BTN2A1: variants seen among roughly 807,000 people sequenced by gnomAD.
BTN2A1 encodes butyrophilin, subfamily 2, member A1.
In BTN2A1, 41 loss-of-function variants were observed where a neutral mutation model predicts 34.5. The ratio of observed to expected loss-of-function variants is 1.19; its 90% CI spans 0.93 to 1.54. The LOEUF is 1.54. BTN2A1 is among the 40% of genes most tolerant of loss of function. BTN2A1 has a pLI of 0.00. For synonymous variants in BTN2A1, 267 were observed against 258.6 expected (o/e 1.03, Z -0.31); for missense variants, 642 against 662.0 (o/e 0.97, Z 0.33).
downstream of BTN2A1, among the ~76,000 whole-genome samples, chr6:26,473,628 T>C (rs553955044): frequency 5.3e-5 from 8 of 152,356 alleles, no homozygotes; most frequent in African/African-American, 1.7e-4. Context: ...CAAGGGGATG[T>C]CTGCAAACTG....
In BTN2A1 at chr6:26,468,743, G is replaced by A. The variant is rs779387597; in HGVS notation, c.*194G>A. 6 of 1,611,210 alleles carry A rather than the reference G, an allele frequency of 3.7e-6. No individual in the cohort carries two copies. The East Asian group carries it at 1.1e-4, about 30-fold the overall frequency. ...TCCTCACTAGGCTGTGTTTTTAGTAGTTCCTTTGCTTGTAACTATGGGATG... is the reference window on the plus strand; with the variant it reads ...TCCTCACTAGGCTGTGTTTTTAGTAATTCCTTTGCTTGTAACTATGGGATG... On this transcript the variant is annotated 3_prime_UTR_variant, in exon 8 of 8. Coordinates refer to ENST00000312541, the MANE Select transcript of BTN2A1 (RefSeq NM_007049.5).
At chr6:26,472,652 C>T (rs1391975129), downstream of BTN2A1, among the ~76,000 whole-genome samples, 2 of 152,118 alleles carry the variant, frequency 1.3e-5, no homozygotes, top group South Asian at 2.1e-4. Flanking sequence ...ACCCAAGCCT[C>T]GCTTGGCTAA....
intron 3 of BTN2A1, among the ~76,000 whole-genome samples, chr6:26,461,284 A>G (rs551378924): frequency 2.0e-5 from 3 of 152,184 alleles, no homozygotes; most frequent in African/African-American, 7.2e-5. Context: ...ATTGCTTAGG[A>G]CTTTTTGTTT....
downstream of BTN2A1, among the ~76,000 whole-genome samples, chr6:26,473,356 G>A (rs1421928993): frequency 6.6e-6 from 1 of 152,126 alleles, no homozygotes; most frequent in Non-Finnish European, 1.5e-5. Flanking sequence ...CACAAATAAG[G>A]AGCAAGAGGT....
At chr6:26,464,762 A>G (rs1763262411) in intron 4 of BTN2A1, among the ~76,000 whole-genome samples, 1 of 152,216 alleles carries the variant, frequency 6.6e-6, no homozygotes, top group Non-Finnish European at 1.5e-5. Context: ...TTTTAGGGCG[A>G]GTGACGTGGA....
rs565317540 is a variant in BTN2A1 at position 26,468,260 on chromosome 6, G to A, written c.1295G>A (p.Arg432Gln). The stretch of plus-strand genomic sequence containing the variant: ...TTGGAGATGCATAAAGGGCAATACC[G>A]GGCCGTGTCCTCCCCTGATAGGATT... ...WTLEMHKGQY[R>Q]AVSSPDRILP... The change falls in exon 8 of 8, where the codon CGG (arginine) becomes CAG (glutamine). Residue 432 changes from arginine to glutamine, a missense_variant. Arg to Gln is a conservative substitution (Grantham distance 43). Coordinates refer to ENST00000312541, the MANE Select transcript of BTN2A1 (RefSeq NM_007049.5). 7.4e-6 allele frequency: 12 copies of A among 1,614,186 alleles called. No homozygotes were observed. The highest frequency in any genetic ancestry group is 6.7e-5 in the African/African-American group (5 of 75,036).
Position 26,465,957 on chromosome 6 carries a change from A to T in BTN2A1, c.939A>T (p.Lys313Asn), listed in dbSNP as rs757341425. The change falls in exon 6 of 8, where the codon AAA (lysine) becomes AAT (asparagine). Residue 313 changes from lysine (K) to asparagine (N), a missense_variant. By Grantham distance (94) the Lys-to-Asn change is moderately conservative. Coordinates refer to ENST00000312541, the MANE Select transcript of BTN2A1 (RefSeq NM_007049.5). The part of the protein sequence containing the change: ...QKEEELQVKE[K>N]LQEELRWRRT... Reference sequence around the variant, plus strand: ...TTTTCTTTGTTTGTTTTTCAGAGAAACTTCAAGAAGAATTGCGTAAGTTTA... The same window carrying T: ...TTTTCTTTGTTTGTTTTTCAGAGAATCTTCAAGAAGAATTGCGTAAGTTTA... The T allele has an allele frequency of 1.2e-6, 2 of 1,614,226 alleles. No individual in the cohort carries two copies. Among genetic ancestry groups the T allele is most frequent in the Admixed American group, 3.3e-5 (2 of 60,034 alleles).
intron 3 of BTN2A1, among the ~76,000 whole-genome samples, chr6:26,462,390 G>A (rs1763189153): frequency 6.6e-6 from 1 of 152,122 alleles, no homozygotes; most frequent in African/African-American, 2.4e-5. Flanking sequence ...CCCAGCCTGG[G>A]CAACATGTTA....
At chr6:26,459,969 AG>A (rs879813435) in intron 3 of BTN2A1, 141 bp downstream of exon 3, 4 of 194,914 alleles carry the variant, frequency 2.1e-5, no homozygotes, top group Admixed American at 9.7e-5. Context: ...ACGGAATTCC[AG>A]GGAAAAATCC....
At chr6:26,473,926 G>A (rs761278666), downstream of BTN2A1, among the ~76,000 whole-genome samples, 34 of 152,258 alleles carry the variant, frequency 2.2e-4, no homozygotes, top group Non-Finnish European at 1.3e-4. Context: ...GATGAGAAAT[G>A]GTACCTCTGA....
At chr6:26,460,770 C>A (rs578042193) in intron 3 of BTN2A1, among the ~76,000 whole-genome samples, 1 of 152,108 alleles carries the variant, frequency 6.6e-6, no homozygotes, top group South Asian at 2.1e-4. Context: ...ATTAGCCAGG[C>A]TTTGTGGAGT....
chr6:26,476,147 T>C, exon 8 of BTN2A1: 2 of 1,536,412 alleles, frequency 1.3e-6, no homozygotes, highest in Non-Finnish European at 1.7e-6. Flanking sequence ...TTATATATCA[T>C]TTACCAAACT....
chr6:26,459,025 A>C (rs1238180493), intron 2 of BTN2A1, among the ~76,000 whole-genome samples: 1 of 152,238 alleles, frequency 6.6e-6, no homozygotes, highest in African/African-American at 2.4e-5. Flanking sequence ...ACGAATATTT[A>C]AATACTTAGT....
intron 4 of BTN2A1, among the ~76,000 whole-genome samples, chr6:26,464,564 A>G (rs1417319452): frequency 6.6e-6 from 1 of 152,108 alleles, no homozygotes; most frequent in Non-Finnish European, 1.5e-5. Context: ...GGACTGAACA[A>G]CCCAGCTACA....
At chr6:26,462,694 G>C in intron 3 of BTN2A1, 1 of 722,072 alleles carries the variant, frequency 1.4e-6, no homozygotes, top group Non-Finnish European at 2.1e-6. Flanking sequence ...CGGTGGTTAT[G>C]TGAAGTTCTG....
intron 4 of BTN2A1, 81 bp downstream of exon 4, chr6:26,463,606 G>A: frequency 6.7e-7 from 1 of 1,492,534 alleles, no homozygotes. Flanking sequence ...GGGGATGGGG[G>A]CAGCAGTGTG....
chr6:26,467,075 AT>A lies in BTN2A1; in HGVS notation c.983-867del, dbSNP rs1183705157. On this transcript the variant is annotated intron_variant, in intron 7 of 7. Transcript: ENST00000312541. Reference sequence around the variant, plus strand: ...TTGGGGACATTTATTCTCCTTCTTCATTTTTTGAAGGGTGCCCTTGTTAGTC... The same window carrying A: ...TTGGGGACATTTATTCTCCTTCTTCATTTTTGAAGGGTGCCCTTGTTAGTC... 2.0e-5 allele frequency among the ~76,000 whole-genome samples: 3 copies of A among 152,236 alleles called. No homozygotes were observed. In the East Asian group the frequency reaches 5.8e-4, roughly 29 times the overall value.
At chr6:26,459,401 C>T in intron 2 of BTN2A1, 80 bp from the exon 3 acceptor site, 1 of 1,482,742 alleles carries the variant, frequency 6.7e-7, no homozygotes, top group Non-Finnish European at 9.2e-7. Flanking sequence ...TAAGTTTGTC[C>T]CTAGAATATC....
At chr6:26,471,020 TG>T (rs1217456559), downstream of BTN2A1, among the ~76,000 whole-genome samples, 3 of 152,214 alleles carry the variant, frequency 2.0e-5, no homozygotes, top group African/African-American at 7.2e-5. Flanking sequence ...GCATCTAAAA[TG>T]CTGGCTTAAA....
Sources: allele counts gnomAD v4.1 joint callset (sites outside exome capture counted in the v4.1 genomes callset), GRCh38; gene constraint gnomAD v4.1.1; transcripts MANE v1.5; gene names NCBI Gene and HGNC (gene_info 2026-07-23, HGNC 2026-07-21).